The following SH3D21 variants were observed in gnomAD, a reference collection of about 807,000 sequenced individuals.
SH3D21 encodes the protein manchette microtubule inner protein 1, also known as SH3 domain-containing protein 21.
A neutral mutation model predicts 82.1 loss-of-function variants in SH3D21; 83 were observed. The observed-to-expected ratio is 1.01, with a 90% confidence interval of 0.85 to 1.21. The LOEUF (loss-of-function observed/expected upper bound fraction) is 1.21, where lower values mean the gene tolerates loss of function less well. Among genes scored for constraint, SH3D21 ranks in the 50% most tolerant of loss-of-function variants. SH3D21 has a pLI of 0.00. For missense variants in SH3D21, 980 were observed against 962.1 expected (o/e 1.02, Z -0.25); for synonymous variants, 383 against 387.8 (o/e 0.99, Z 0.15).
In SH3D21 at chr1:36,321,279, C is replaced by T; in HGVS notation, c.*152C>T. 6.9e-7 allele frequency: 1 copy of T among 1,448,996 alleles called. No homozygotes were observed. The allele number at this position is 1,448,996 out of a possible 1,614,324, so 89.8% of individuals were successfully genotyped here. A position where few individuals can be genotyped will look rare whatever the true frequency, so the allele number is the denominator to read the frequency against. On this transcript the variant is annotated 3_prime_UTR_variant, in exon 16 of 16. Transcript: ENST00000453908. This position sits in a 1 kb window ranked among gnomAD's most constrained non-coding sequence, Gnocchi z 6.1. Reference sequence around the variant, plus strand: ...GGCGGGGCCTGCGCGGGGGCAGGGCCTGGGCCTCCGCATTCCTGACGGTCC... The same window carrying T: ...GGCGGGGCCTGCGCGGGGGCAGGGCTTGGGCCTCCGCATTCCTGACGGTCC...
Position 36,320,537 on chromosome 1 carries a change from AAG to A in SH3D21, c.1877_1878del (p.Glu626GlyfsTer11). On this transcript the variant is annotated frameshift_variant, in exon 14 of 16. Coordinates refer to ENST00000453908, the MANE Select transcript of SH3D21 (RefSeq NM_001162530.2). LOFTEE classifies it high-confidence loss of function. ...CTCCCCAAAGAGGGAGTGGCTTCCA[AAG>A]AGGAGGTGACCCTGAAAGAGGAATT... The A allele has an allele frequency of 6.2e-7, 1 of 1,612,696 alleles. No homozygotes were observed. The highest frequency in any genetic ancestry group is 8.5e-7 in the Non-Finnish European group (1 of 1,178,678).
Position 36,319,251 on chromosome 1 carries a change from A to G in SH3D21, c.864-9A>G. On this transcript the variant is annotated splice_polypyrimidine_tract_variant and intron_variant, in intron 11 of 15. Transcript: ENST00000453908. ...CCCACCCTGAGGGCCTGATGAAGAT[A>G]TGTTCCAGGACATCTCGGACACCCA... is the stretch of plus-strand genomic sequence containing the variant. 1 of 1,551,632 alleles carries G rather than the reference A, an allele frequency of 6.4e-7. No individual in the cohort carries two copies.
rs1442059967 is a variant in SH3D21, at chr1:36,307,545, A to C, written c.374A>C (p.Lys125Thr). The C allele has an allele frequency of 1.3e-6, 2 of 1,551,542 alleles. No individual in the cohort carries two copies. The highest frequency in any genetic ancestry group is 1.7e-6 in the Non-Finnish European group (2 of 1,146,986). Residue 125 changes from lysine to threonine, a missense_variant, in exon 5 of 16, where the codon AAG (lysine) becomes ACG (threonine). Lys to Thr is a moderately conservative substitution (Grantham distance 78). Coordinates refer to ENST00000453908, the MANE Select transcript of SH3D21 (RefSeq NM_001162530.2). The surrounding 1 kb of genome is among the most constrained non-coding windows in gnomAD (Gnocchi z 5.4). ...GAGGACGGCTGGTGGCTGGGGAAGA[A>C]GAACGGGCAGCTGGGAGCCTTCCCA... is the stretch of plus-strand genomic sequence containing the variant. ...EIEDGWWLGK[K>T]NGQLGAFPSN...
rs1442215677 is a variant in SH3D21, at chr1:36,308,490, A to C, written c.726+15A>C. 5 of 1,550,404 alleles carry C rather than the reference A, an allele frequency of 3.2e-6. No homozygotes were observed. The Admixed American group carries it at 9.8e-5, about 30-fold the overall frequency. ...CACCACCCCCAGTGAGTACAGAGCC[A>C]AGACACTCAGGTGGCAGGGGCAGGC... On this transcript the variant is annotated intron_variant, in intron 9 of 15. Transcript: ENST00000453908.
Position 36,319,839 on chromosome 1 carries a change from A to T in SH3D21, c.1176A>T (p.Leu392=). Residue 392 remains leucine (L), a synonymous_variant, in exon 14 of 16, where the codon CTA becomes CTT. Transcript: ENST00000453908. ...CCTCCCCAGAGAAGACCCTCACTCT[A>T]GGGGACAAGGCCTCTATCCCAGGGA... ...KVPSPEKTLT[L]GDKASIPGNS... is the part of the protein sequence containing the mutation. The T allele has an allele frequency of 6.2e-7, 1 of 1,613,758 alleles. No individual in the cohort carries two copies. Among genetic ancestry groups the T allele is most frequent in the Non-Finnish European group, 8.5e-7 (1 of 1,179,880 alleles).
rs781682632 is a variant in SH3D21 at position 36,320,071 on chromosome 1, C to G, written c.1408C>G (p.Pro470Ala). 1 of 1,614,038 alleles carries G rather than the reference C, an allele frequency of 6.2e-7. No homozygotes were observed. Among genetic ancestry groups the G allele is most frequent in the Non-Finnish European group, 8.5e-7 (1 of 1,180,008 alleles). The change falls in exon 14 of 16, where the codon CCA becomes GCA. Residue 470 changes from proline to alanine, a missense_variant. Transcript: ENST00000453908. ...CCCACCTATGGATAAAGTCCCTAAT[C>G]CAAAGATGGCCCCTCTGGGGGATGA... ...EAPPMDKVPN[P>A]KMAPLGDEAP...
chr1:36,306,409 G>A lies in SH3D21; in HGVS notation c.-12G>A. 2 of 1,305,402 alleles carry A rather than the reference G, an allele frequency of 1.5e-6. No individual in the cohort carries two copies. Among genetic ancestry groups the A allele is most frequent in the South Asian group, 1.2e-5 (1 of 81,038 alleles). 80.9% of individuals were successfully genotyped at this position (1,305,402 alleles called of 1,614,324 possible). On this transcript the variant is annotated 5_prime_UTR_variant, in exon 1 of 16. Transcript: ENST00000453908. This position sits in a 1 kb window ranked among gnomAD's most constrained non-coding sequence, Gnocchi z 4.5. Reference sequence around the variant, plus strand: ...AGGGAGCTGCCAGGCTCTGGAGGGCGCCCCGGAAACCATGGGTAAGTGCGG... The same window carrying A: ...AGGGAGCTGCCAGGCTCTGGAGGGCACCCCGGAAACCATGGGTAAGTGCGG...
In SH3D21 at chr1:36,321,267, C is replaced by T; in HGVS notation, c.*140C>T. ...CTGGTCGCTGGGGGCGGGGCCTGCG[C>T]GGGGGCAGGGCCTGGGCCTCCGCAT... On this transcript the variant is annotated 3_prime_UTR_variant, in exon 16 of 16. Coordinates refer to ENST00000453908, the MANE Select transcript of SH3D21 (RefSeq NM_001162530.2). This position sits in a 1 kb window ranked among gnomAD's most constrained non-coding sequence, Gnocchi z 6.1. 6.8e-7 allele frequency: 1 copy of T among 1,461,022 alleles called. No homozygotes were observed. Among genetic ancestry groups the T allele is most frequent in the Non-Finnish European group, 9.0e-7 (1 of 1,110,256 alleles). The allele number at this position is 1,461,022 out of a possible 1,614,324, so 90.5% of individuals were successfully genotyped here.
In SH3D21 at chr1:36,306,869, G is replaced by A. The variant is rs1378705917; in HGVS notation, c.190G>A (p.Gly64Arg). The A allele has an allele frequency of 7.7e-7, 1 of 1,298,752 alleles. No homozygotes were observed. Among genetic ancestry groups the A allele is most frequent in the Non-Finnish European group, 1.0e-6 (1 of 994,514 alleles). The allele number at this position is 1,298,752 out of a possible 1,614,324, so 80.5% of individuals were successfully genotyped here. A position where few individuals can be genotyped will look rare whatever the true frequency, so the allele number is the denominator to read the frequency against. The change falls in exon 3 of 16, where the codon GGA (glycine) becomes AGA (arginine). Residue 64 changes from glycine (G) to arginine (R), a missense_variant. Physicochemically the swap from Gly to Arg is moderately radical, Grantham distance 125. Transcript: ENST00000453908. The surrounding 1 kb of genome is among the most constrained non-coding windows in gnomAD (Gnocchi z 4.5). The part of the protein sequence containing the change: ...QEIPETLRGS[G>R]EARRPRCARR... ...GATCCCAGAGACCCTGCGGGGCTCC[G>A]GAGAGGCGCGGAGGCCGCGCTGTGC...
chr1:36,308,756 G>C (rs749195830), intron 9 of SH3D21, among the ~76,000 whole-genome samples: 1 of 152,106 alleles, frequency 6.6e-6, no homozygotes, highest in Non-Finnish European at 1.5e-5. Context: ...AGGCCGAGGC[G>C]GGTGGATCAC....
intron 12 of SH3D21, 53 bp from the exon 13 acceptor site, chr1:36,319,389 G>A (rs1479758454): frequency 1.3e-6 from 2 of 1,550,838 alleles, no homozygotes; most frequent in Non-Finnish European, 1.7e-6. Flanking sequence ...ACAGAGGTGG[G>A]AAGAGACTGA....
chr1:36,316,397 G>C (rs1646343815), intron 10 of SH3D21, among the ~76,000 whole-genome samples: 1 of 152,184 alleles, frequency 6.6e-6, no homozygotes, highest in Admixed American at 6.5e-5. Context: ...ACCACGCCTG[G>C]CTAATTTTTG....
chr1:36,321,429 C>G (rs1020225502), downstream of SH3D21: 1 of 1,226,790 alleles, frequency 8.2e-7, no homozygotes, highest in Non-Finnish European at 1.0e-6. This position sits in a 1 kb window ranked among gnomAD's most constrained non-coding sequence, Gnocchi z 6.1. Flanking sequence ...CAGCCGCGCA[C>G]TGGAGAAATG....
In SH3D21 at chr1:36,321,207, A is replaced by G. The variant is rs2124701534; in HGVS notation, c.*80A>G. 1.3e-6 allele frequency: 2 copies of G among 1,546,438 alleles called. No individual in the cohort carries two copies. Among genetic ancestry groups the G allele is most frequent in the East Asian group, 2.4e-5 (1 of 41,644 alleles). Reference sequence around the variant, plus strand: ...TGCACACGACTTTGGGAAACGCGAGAAAGTAAACTCTGCCTAGCACGGCGC... The same window carrying G: ...TGCACACGACTTTGGGAAACGCGAGGAAGTAAACTCTGCCTAGCACGGCGC... On this transcript the variant is annotated 3_prime_UTR_variant, in exon 16 of 16. Coordinates refer to ENST00000453908, the MANE Select transcript of SH3D21 (RefSeq NM_001162530.2). The surrounding 1 kb of genome is among the most constrained non-coding windows in gnomAD (Gnocchi z 6.1).
At chr1:36,322,144 AC>A, downstream of SH3D21, 1 of 1,352,240 alleles carries the variant, frequency 7.4e-7, no homozygotes, top group Non-Finnish European at 9.6e-7. Flanking sequence ...TTCTGGCAGG[AC>A]TGGGGAAGGG....
chr1:36,322,255 T>G (rs200563173), downstream of SH3D21: 112 of 1,455,210 alleles, frequency 7.7e-5, no homozygotes, highest in African/African-American at 1.5e-3. Context: ...CATGTGCAGG[T>G]CCGGTACCCC....
In SH3D21 at chr1:36,319,660, C is replaced by T; in HGVS notation, c.1012-15C>T. The T allele has an allele frequency of 6.4e-7, 1 of 1,568,042 alleles. No individual in the cohort carries two copies. Among genetic ancestry groups the T allele is most frequent in the Non-Finnish European group, 8.6e-7 (1 of 1,156,982 alleles). On this transcript the variant is annotated splice_polypyrimidine_tract_variant and intron_variant, in intron 13 of 15. Transcript: ENST00000453908. ...GACTCAACCTCAGCTGAGACTTCAC[C>T]TCCCATCACGGCAGGAGGAAGAGCA...
rs1646132509 is a variant in SH3D21 at position 36,306,850 on chromosome 1, A to G, written c.171A>G (p.Pro57=). The G allele has an allele frequency of 7.7e-7, 1 of 1,297,606 alleles. No individual in the cohort carries two copies. Among genetic ancestry groups the G allele is most frequent in the African/African-American group, 1.5e-5 (1 of 64,782 alleles). 80.4% of individuals were successfully genotyped at this position (1,297,606 alleles called of 1,614,324 possible). Reference sequence around the variant, plus strand: ...CGTGCCCTGATTCCCAGGAGATCCCAGAGACCCTGCGGGGCTCCGGAGAGG... The same window carrying G: ...CGTGCCCTGATTCCCAGGAGATCCCGGAGACCCTGCGGGGCTCCGGAGAGG... ...LFPERLVQEI[P]ETLRGSGEAR... Residue 57 remains proline, a synonymous_variant, in exon 3 of 16, where the codon CCA becomes CCG. Transcript: ENST00000453908. The surrounding 1 kb of genome is among the most constrained non-coding windows in gnomAD (Gnocchi z 4.5).
intron 10 of SH3D21, among the ~76,000 whole-genome samples, chr1:36,314,211 G>A (rs1367825904): frequency 3.3e-5 from 5 of 151,242 alleles, no homozygotes; most frequent in Middle Eastern, 3.4e-3. Flanking sequence ...TCCTGACCTC[G>A]TGATTCACCC....
Sources: gnomAD v4.1 joint callset for allele counts (sites outside exome capture counted in the v4.1 genomes callset) on GRCh38, gnomAD v4.1.1 for gene constraint, Gnocchi (gnomAD v3.1) non-coding constraint, MANE v1.5 for transcripts, NCBI Gene and HGNC (gene_info 2026-07-23, HGNC 2026-07-21) for gene names.